Variants in IL1RAPL2 observed in about 807,000 individuals in gnomAD.
IL1RAPL2 encodes interleukin 1 receptor accessory protein like 2.
Under a neutral mutation model 44.1 loss-of-function variants are expected in IL1RAPL2, and 3 were observed. The ratio of observed to expected loss-of-function variants is 0.07; its 90% CI spans 0.03 to 0.18. The LOEUF is 0.18. IL1RAPL2 is among the 10% of genes least tolerant of loss of function. The pLI is 1.00. For missense variants in IL1RAPL2, 391 were observed against 496.4 expected (o/e 0.79, Z 2.02); for synonymous variants, 181 against 178.8 (o/e 1.01, Z -0.10).
At chrX:105,457,663 TTTATATATATG>T (rs2147764961) in intron 5 of IL1RAPL2, among the ~76,000 whole-genome samples, 1 of 108,617 alleles carries the variant, frequency 9.2e-6, no homozygotes. Flanking sequence ...ATATGTATGT[TTTATATATATG>T]TTATATATAT....
At chrX:105,200,972 T>C (rs1420104444) in intron 3 of IL1RAPL2, among the ~76,000 whole-genome samples, 1 of 110,789 alleles carries the variant, frequency 9.0e-6, no homozygotes, top group East Asian at 2.8e-4. Context: ...TGTAAAAACC[T>C]AACATTTAGG....
At chrX:105,017,799 C>T (rs1245963387) in intron 2 of IL1RAPL2, among the ~76,000 whole-genome samples, 2 of 110,896 alleles carry the variant, frequency 1.8e-5, no homozygotes, top group Non-Finnish European at 3.8e-5. Context: ...GAAGAAAAAA[C>T]CATAAAATAG....
chrX:105,521,996 G>A (rs2036562272), intron 6 of IL1RAPL2, among the ~76,000 whole-genome samples: 1 of 111,717 alleles, frequency 9.0e-6, no homozygotes, highest in African/African-American at 3.3e-5. Context: ...TATTTTGGTT[G>A]ATCCTCTCAA....
chrX:105,390,024 G>T (rs1435727267), intron 5 of IL1RAPL2, among the ~76,000 whole-genome samples: 1 of 110,845 alleles, frequency 9.0e-6, no homozygotes, highest in African/African-American at 3.3e-5. Flanking sequence ...CCTCTGCAGG[G>T]ATTACTTAAA....
intron 2 of IL1RAPL2, among the ~76,000 whole-genome samples, chrX:104,837,076 G>A (rs1297007223): frequency 9.0e-6 from 1 of 111,566 alleles, no homozygotes; most frequent in African/African-American, 3.3e-5. Flanking sequence ...TTTTATGGGT[G>A]CATAGTATTC....
At chrX:104,775,415 C>T (rs1412551411) in intron 2 of IL1RAPL2, among the ~76,000 whole-genome samples, 2 of 111,892 alleles carry the variant, frequency 1.8e-5, no homozygotes, top group Non-Finnish European at 3.8e-5. Context: ...TGTTATGGTT[C>T]GCAGACTATA....
chrX:104,672,312 G>C (rs1930624548), intron 2 of IL1RAPL2, among the ~76,000 whole-genome samples: 1 of 109,774 alleles, frequency 9.1e-6, no homozygotes, highest in South Asian at 3.9e-4. Flanking sequence ...TGATCTCATT[G>C]TTCAGTTCCC....
At chrX:105,086,699 T>C (rs2032483512) in intron 2 of IL1RAPL2, among the ~76,000 whole-genome samples, 3 of 61,501 alleles carry the variant, frequency 4.9e-5, no homozygotes, top group African/African-American at 3.0e-4. Flanking sequence ...CTACATTGTA[T>C]ATATATGTGT....
At chrX:104,719,227 A>T (rs1435407116) in intron 2 of IL1RAPL2, among the ~76,000 whole-genome samples, 1 of 112,377 alleles carries the variant, frequency 8.9e-6, no homozygotes, top group African/African-American at 3.2e-5. Flanking sequence ...GTAAGTTAAG[A>T]TGCTCTTGAT....
chrX:104,651,576 A>C (rs1930153812), intron 1 of IL1RAPL2, among the ~76,000 whole-genome samples: 1 of 111,823 alleles, frequency 8.9e-6, no homozygotes, highest in Non-Finnish European at 1.9e-5. Context: ...GAAATCGTGA[A>C]GGTACAATCA....
intron 6 of IL1RAPL2, among the ~76,000 whole-genome samples, chrX:105,604,289 C>T (rs1258512711): frequency 9.0e-6 from 1 of 110,542 alleles, no homozygotes; most frequent in Non-Finnish European, 1.9e-5. Flanking sequence ...AGAGAAGACA[C>T]AAATAAATAA....
At chrX:104,924,259 T>C (rs1435261817) in intron 2 of IL1RAPL2, among the ~76,000 whole-genome samples, 1 of 111,416 alleles carries the variant, frequency 9.0e-6, no homozygotes, top group Non-Finnish European at 1.9e-5. Context: ...GCCATCAAGG[T>C]AGTTGGTTTT....
chrX:105,747,533 T>C (rs866645528), intron 8 of IL1RAPL2, among the ~76,000 whole-genome samples: 197 of 90,594 alleles, frequency 2.2e-3, no homozygotes, highest in African/African-American at 3.0e-3. Context: ...TATATATATA[T>C]ATACACACAC....
intron 2 of IL1RAPL2, among the ~76,000 whole-genome samples, chrX:104,861,082 A>G (rs1304708127): frequency 1.8e-5 from 2 of 111,983 alleles, no homozygotes; most frequent in Non-Finnish European, 3.8e-5. Flanking sequence ...CTAAATTTAG[A>G]AAAACTTGCT....
intron 2 of IL1RAPL2, among the ~76,000 whole-genome samples, chrX:105,149,336 G>A (rs368241978): frequency 3.6e-5 from 4 of 111,843 alleles, no homozygotes; most frequent in African/African-American, 9.8e-5. Flanking sequence ...AAAAAATAGC[G>A]AGAATAGAGG....
At chrX:104,638,956 G>T (rs1198933948) in intron 1 of IL1RAPL2, among the ~76,000 whole-genome samples, 1 of 112,150 alleles carries the variant, frequency 8.9e-6, no homozygotes, top group Non-Finnish European at 1.9e-5. Flanking sequence ...AGAATGGGAT[G>T]TTGAAGTCCC....
chrX:105,172,411 G>T (rs1052358528), intron 2 of IL1RAPL2, among the ~76,000 whole-genome samples: 8 of 112,253 alleles, frequency 7.1e-5, no homozygotes, highest in African/African-American at 2.6e-4. Context: ...AAAGTCAAGT[G>T]TCAGCCAGGC....
rs188500230 is a variant in IL1RAPL2 at position 105,103,990 on chromosome X, T to G, written c.83-91485T>G. Among the ~76,000 whole-genome samples the G allele has an allele frequency of 4.8e-3, 541 of 112,188 alleles. 3 individuals are homozygous for G. Among genetic ancestry groups the G allele is most frequent in the African/African-American group, 0.017 (518 of 30,877 alleles). On this transcript the variant is annotated intron_variant, in intron 2 of 10. Transcript: ENST00000372582. Reference sequence around the variant, plus strand: ...GGCTTCCTTTCCTGAAGCAATGGCGTTAATCACTGGAAGTTAACTAGCAGG... The same window carrying G: ...GGCTTCCTTTCCTGAAGCAATGGCGGTAATCACTGGAAGTTAACTAGCAGG...
rs1164775089 is a variant in IL1RAPL2, at chrX:104,992,545, G to C, written c.83-202930G>C. 5.4e-5 allele frequency among the ~76,000 whole-genome samples: 6 copies of C among 111,078 alleles called. No individual in the cohort carries two copies. The East Asian group carries it at 1.4e-3, about 27-fold the overall frequency. ...GTAGTTGGAGGGCTACCAAGATGCA[G>C]GGGCAGTATTTCTACCATAATGAGA... On this transcript the variant is annotated intron_variant, in intron 2 of 10. Transcript: ENST00000372582.
Sources: gnomAD v4.1 joint callset for allele counts (sites outside exome capture counted in the v4.1 genomes callset) on GRCh38, gnomAD v4.1.1 for gene constraint, MANE v1.5 for transcripts, NCBI Gene and HGNC (gene_info 2026-07-23, HGNC 2026-07-21) for gene names.